The following SLC9C2 variants were observed in gnomAD, a reference collection of about 807,000 sequenced individuals.
SLC9C2 encodes the protein sodium/hydrogen exchanger 11.
SLC9C2 carries 75 observed loss-of-function variants against 140.2 expected under a neutral mutation model. The observed-to-expected ratio is 0.53, with a 90% CI of 0.44 to 0.65. SLC9C2 has a LOEUF of 0.65. SLC9C2 is among the 30% of genes least tolerant of loss of function. The pLI, the probability that SLC9C2 is intolerant of heterozygous loss-of-function variation, is 0.00. For synonymous variants in SLC9C2, 375 were observed against 420.9 expected (o/e 0.89, Z 1.34); for missense variants, 1,074 against 1,331.8 (o/e 0.81, Z 3.01).
chr1:173,594,594 C>T (rs930538168), intron 4 of SLC9C2, among the ~76,000 whole-genome samples: 2 of 151,892 alleles, frequency 1.3e-5, no homozygotes, highest in Non-Finnish European at 2.9e-5. Context: ...GCACTGGTAC[C>T]TAAAACATTA....
chr1:173,561,355 G>C (rs1486771275), intron 9 of SLC9C2, among the ~76,000 whole-genome samples: 1 of 152,034 alleles, frequency 6.6e-6, no homozygotes, highest in Admixed American at 6.5e-5. Flanking sequence ...CCAGAGACCA[G>C]TGAAAAAAAT....
intron 4 of SLC9C2, among the ~76,000 whole-genome samples, chr1:173,590,266 C>T (rs988202477): frequency 4.1e-5 from 6 of 146,948 alleles, no homozygotes; most frequent in Admixed American, 4.0e-4. Flanking sequence ...AAAGAAATAA[C>T]AGAGTATAGA....
intron 2 of SLC9C2, 83 bp from the exon 3 acceptor site, chr1:173,600,300 A>C: frequency 1.2e-6 from 1 of 833,368 alleles, no homozygotes; most frequent in East Asian, 2.8e-5. Flanking sequence ...ACCATCCCAA[A>C]GTAAGTCAAG....
rs73029320 is a variant in SLC9C2, at chr1:173,569,480, T to C, written c.1046+3702A>G. On this transcript the variant is annotated intron_variant, in intron 9 of 27. Coordinates refer to ENST00000367714, the MANE Select transcript of SLC9C2 (RefSeq NM_178527.4). Reference sequence around the variant, plus strand: ...TCTACAACCTTCTTGTACTTGAATATTGATATCTTTCCCTTGGTTTGGGAA... The same window carrying C: ...TCTACAACCTTCTTGTACTTGAATACTGATATCTTTCCCTTGGTTTGGGAA... Among the ~76,000 whole-genome samples, 790 of 152,218 alleles carry C rather than the reference T, an allele frequency of 5.2e-3. 4 individuals carry two copies. The highest frequency in any genetic ancestry group is 0.018 in the African/African-American group (752 of 41,522).
intron 5 of SLC9C2, among the ~76,000 whole-genome samples, chr1:173,585,660 C>T (rs1265564335): frequency 1.3e-5 from 2 of 152,120 alleles, no homozygotes. Context: ...TCACTAGTTT[C>T]GTCTTAAAGC....
intron 7 of SLC9C2, among the ~76,000 whole-genome samples, chr1:173,576,964 T>A (rs1358702989): frequency 1.3e-5 from 2 of 152,214 alleles, no homozygotes; most frequent in Non-Finnish European, 2.9e-5. Context: ...ATATTTAGTG[T>A]TTGTGATGCA....
chr1:173,558,846 AATTCCCTCC>A (rs1241156675), intron 9 of SLC9C2, among the ~76,000 whole-genome samples: 1 of 152,186 alleles, frequency 6.6e-6, no homozygotes, highest in Non-Finnish European at 1.5e-5. Flanking sequence ...ACTTAAGGAT[AATTCCCTCC>A]ATTAAAGCCT....
chr1:173,597,861 A>G (rs772155019), intron 4 of SLC9C2, 43 bp downstream of exon 4: 1 of 1,525,744 alleles, frequency 6.6e-7, no homozygotes, highest in Admixed American at 2.2e-5. Context: ...ATCAACGTGC[A>G]TAAGCAAGAA....
intron 23 of SLC9C2, among the ~76,000 whole-genome samples, chr1:173,512,102 T>C (rs1475491042): frequency 6.6e-6 from 1 of 152,240 alleles, no homozygotes; most frequent in Non-Finnish European, 1.5e-5. Flanking sequence ...TCCAGCTTTG[T>C]TCTTTTTGCT....
chr1:173,588,771 T>C (rs1025190064), intron 4 of SLC9C2, among the ~76,000 whole-genome samples: 3 of 152,128 alleles, frequency 2.0e-5, no homozygotes, highest in Admixed American at 1.3e-4. Flanking sequence ...AAACAAGGCT[T>C]ATAAAATAAG....
At chr1:173,538,487 G>C (rs955514887) in intron 13 of SLC9C2, among the ~76,000 whole-genome samples, 6 of 152,186 alleles carry the variant, frequency 3.9e-5, no homozygotes, top group Admixed American at 3.9e-4. Flanking sequence ...GGCAATGGAG[G>C]TATAGTCCAA....
At chr1:173,525,446 C>T (rs548791498) in intron 19 of SLC9C2, among the ~76,000 whole-genome samples, 110 of 152,242 alleles carry the variant, frequency 7.2e-4, no homozygotes, top group African/African-American at 2.5e-3. Flanking sequence ...CAATGCTTGC[C>T]ATATCGAAGG....
chr1:173,589,347 A>C (rs889906446), intron 4 of SLC9C2, among the ~76,000 whole-genome samples: 1 of 152,168 alleles, frequency 6.6e-6, no homozygotes, highest in Non-Finnish European at 1.5e-5. Flanking sequence ...GCTTGAGGCC[A>C]GAAGCCTAGA....
Position 173,602,872 on chromosome 1 carries a change from C to T in SLC9C2, c.-201G>A, listed in dbSNP as rs901543725. On this transcript the variant is annotated 5_prime_UTR_variant, in exon 1 of 28. Coordinates refer to ENST00000367714, the MANE Select transcript of SLC9C2 (RefSeq NM_178527.4). The stretch of plus-strand genomic sequence containing the variant: ...TCACTTCACCTGTCCCTCCAGTAGC[C>T]CTTCAGGTCCTTGGCATCTTCAACT... The T allele has an allele frequency of 3.9e-5, 6 of 152,134 alleles. No homozygotes were observed. The highest frequency in any genetic ancestry group is 3.9e-4 in the Admixed American group (6 of 15,274). 9.4% of individuals were successfully genotyped at this position (152,134 alleles called of 1,614,324 possible).
intron 4 of SLC9C2, among the ~76,000 whole-genome samples, chr1:173,591,084 T>C (rs1666130303): frequency 2.0e-5 from 3 of 152,152 alleles, no homozygotes; most frequent in Admixed American, 6.5e-5. Context: ...TTTGTGTCCA[T>C]GAGTTCTCAC....
chr1:173,577,426 G>A (rs1015830102), intron 7 of SLC9C2, among the ~76,000 whole-genome samples: 1 of 152,178 alleles, frequency 6.6e-6, no homozygotes, highest in African/African-American at 2.4e-5. Flanking sequence ...ATGTGTAAAT[G>A]TATTAATAGT....
chr1:173,583,152 G>T (rs564711131), intron 6 of SLC9C2, among the ~76,000 whole-genome samples: 30 of 152,204 alleles, frequency 2.0e-4, no homozygotes, highest in African/African-American at 6.5e-4. Flanking sequence ...CATATTATTT[G>T]CATATAACCT....
At chr1:173,554,363 G>A (rs1298889467) in intron 11 of SLC9C2, among the ~76,000 whole-genome samples, 1 of 152,148 alleles carries the variant, frequency 6.6e-6, no homozygotes, top group African/African-American at 2.4e-5. Flanking sequence ...TTGTAGACAT[G>A]GTGGTAGTGA....
At chr1:173,557,599 T>A in intron 9 of SLC9C2, 91 bp from the exon 10 acceptor site, 1 of 1,260,758 alleles carries the variant, frequency 7.9e-7, no homozygotes, top group Non-Finnish European at 1.1e-6. Flanking sequence ...AAATTTAATA[T>A]AAAAATTTTC....
Sources: gnomAD v4.1 joint callset for allele counts (sites outside exome capture counted in the v4.1 genomes callset) on GRCh38, gnomAD v4.1.1 for gene constraint, MANE v1.5 for transcripts, NCBI Gene and HGNC (gene_info 2026-07-23, HGNC 2026-07-21) for gene names.